Variants in ZNF185 observed in about 807,000 individuals in gnomAD.
The protein encoded by ZNF185 is zinc finger protein 185.
In ZNF185, 56 loss-of-function variants were observed where a neutral mutation model predicts 58.6. That is an observed-to-expected ratio of 0.95 (90% CI 0.77 to 1.19). The LOEUF (loss-of-function observed/expected upper bound fraction) is 1.19, where lower values mean the gene tolerates loss of function less well. Among genes scored for constraint, ZNF185 ranks in the 50% most tolerant of loss-of-function variants. ZNF185 has a pLI of 0.00. For missense variants in ZNF185, 627 were observed against 573.5 expected (o/e 1.09, Z -0.95); for synonymous variants, 230 against 215.9 (o/e 1.07, Z -0.57).
chrX:152,962,224 G>A (rs1556910842), intron 17 of ZNF185, among the ~76,000 whole-genome samples: 1 of 110,789 alleles, frequency 9.0e-6, no homozygotes, highest in Admixed American at 9.5e-5. Flanking sequence ...TTGTAGGTGA[G>A]GGAGAGGAGG....
At position 152,967,139 on chromosome X, in the gene ZNF185, C is replaced by G. The variant is rs184512415; in HGVS notation, c.1800-28C>G. The G allele has an allele frequency of 6.4e-5, 76 of 1,195,871 alleles. 1 individual carries two copies. The Admixed American group carries it at 1.7e-3, about 26-fold the overall frequency. On this transcript the variant is annotated intron_variant, in intron 19 of 22. Transcript: ENST00000449285. ...TAGTGATTTGGCTCTCATCTCTGCC[C>G]TCCTCTCCCCTATCAAACTCCCTGC...
intron 5 of ZNF185, 34 bp downstream of exon 6, chrX:152,917,396 G>T: frequency 8.4e-7 from 1 of 1,197,344 alleles, no homozygotes; most frequent in Non-Finnish European, 1.1e-6. Context: ...GTCGGCCAGT[G>T]GGGAGGTGTG....
At chrX:152,955,075 G>A (rs1384495453) in intron 16 of ZNF185, among the ~76,000 whole-genome samples, 5 of 111,976 alleles carry the variant, frequency 4.5e-5, no homozygotes, top group Non-Finnish European at 7.5e-5. Context: ...ACTCACCAGT[G>A]TATGAATGGT....
At chrX:152,920,290 G>A (rs781822721) in intron 7 of ZNF185, 38 bp from the exon 9 acceptor site, 1 of 1,186,032 alleles carries the variant, frequency 8.4e-7, no homozygotes, top group South Asian at 1.8e-5. Context: ...GTCCAGCTTG[G>A]CACCCATCAG....
At chrX:152,938,199 T>TGG in intron 15 of ZNF185, 36 bp downstream of exon 17, 1 of 1,141,538 alleles carries the variant, frequency 8.8e-7, no homozygotes, top group African/African-American at 1.8e-5. Flanking sequence ...ACTTCTGGGG[T>TGG]GGAGAGAGGC....
chrX:152,925,924 C>G (rs1257844241), intron 11 of ZNF185, among the ~76,000 whole-genome samples: 1 of 112,386 alleles, frequency 8.9e-6, no homozygotes, highest in African/African-American at 3.2e-5. Flanking sequence ...GTCAGCTCCT[C>G]ATAACTCTTG....
the ZNF185 span, among the ~76,000 whole-genome samples, chrX:152,899,985 T>C: frequency 9.0e-6 from 1 of 111,594 alleles, no homozygotes; most frequent in Non-Finnish European, 1.9e-5. Flanking sequence ...CAGTAAGAAG[T>C]TGCCATCTGA....
chrX:152,939,875 T>G (rs1455548853), intron 15 of ZNF185, among the ~76,000 whole-genome samples: 1 of 98,910 alleles, frequency 1.0e-5, no homozygotes, highest in Non-Finnish European at 2.0e-5. Context: ...CTCTGCCTCC[T>G]GGGTTCAAAC....
rs1167952672 is a variant in ZNF185 at position 152,937,833 on chromosome X, C to A, written c.1122-241C>A. On this transcript the variant is annotated intron_variant, in intron 14 of 22. Transcript: ENST00000449285. ...AAACCAGGAGACTTCCCCAGGGAAC[C>A]CAAGTTGGTCAGGGGCAGTGTTTGC... Among the ~76,000 whole-genome samples the A allele has an allele frequency of 3.6e-5, 4 of 112,232 alleles. No individual in the cohort carries two copies. In the East Asian group the frequency reaches 1.1e-3, roughly 31 times the overall value.
chrX:152,941,344 G>C (rs189920389), intron 15 of ZNF185, among the ~76,000 whole-genome samples: 276 of 112,392 alleles, frequency 2.5e-3, no homozygotes, highest in Middle Eastern at 4.6e-3. Context: ...AGAGATCTGG[G>C]ATGCTGCCCC....
exon 23 of ZNF185, chrX:152,972,965 G>A (rs1472050438): frequency 8.9e-6 from 1 of 112,003 alleles, no homozygotes; most frequent in Non-Finnish European, 1.9e-5. Context: ...CCTGCCAAAT[G>A]ATCAGAGAGG....
At chrX:152,922,661 A>G (rs182849026) in intron 10 of ZNF185, 59 bp from the exon 12 acceptor site, 1 of 1,056,112 alleles carries the variant, frequency 9.5e-7, no homozygotes, top group African/African-American at 1.9e-5. Context: ...CACATTCAGC[A>G]TGCCCAGGGA....
At chrX:152,917,349 G>A (rs782802193) in exon 5 of ZNF185, 21 of 1,210,293 alleles carry the variant, frequency 1.7e-5, no homozygotes, top group African/African-American at 7.0e-5. Context: ...CAAGGCCAAC[G>A]GGACTCCAAA....
exon 7 of ZNF185, chrX:152,918,992 C>T (rs1556867924): frequency 8.3e-7 from 1 of 1,209,028 alleles, no homozygotes; most frequent in African/African-American, 1.7e-5. Flanking sequence ...GGGCACCCTA[C>T]AATATCAGGC....
At chrX:152,941,767 C>T (rs1436718883) in intron 15 of ZNF185, 7 of 1,163,328 alleles carry the variant, frequency 6.0e-6, no homozygotes, top group South Asian at 1.9e-5. Context: ...ATGCCCGTGC[C>T]GGCCGCCAGA....
intron 12 of ZNF185, among the ~76,000 whole-genome samples, chrX:152,929,895 G>T (rs1414125107): frequency 8.9e-6 from 1 of 112,432 alleles, no homozygotes; most frequent in African/African-American, 3.2e-5. Context: ...CAGGCTGGAG[G>T]CTCTGCCTGA....
intron 5 of ZNF185, 178 bp from the exon 7 acceptor site, chrX:152,917,887 T>C: frequency 1.8e-6 from 2 of 1,081,769 alleles, no homozygotes; most frequent in Non-Finnish European, 2.4e-6. Flanking sequence ...TCGGTGGGGT[T>C]TGCCTACACA....
At chrX:152,943,799 C>T (rs1316483580) in intron 15 of ZNF185, among the ~76,000 whole-genome samples, 7 of 112,782 alleles carry the variant, frequency 6.2e-5, no homozygotes, top group African/African-American at 9.7e-5. Context: ...TGGGACAGGA[C>T]GGGACTCTGA....
At chrX:152,957,348 T>C (rs1278456538) in intron 16 of ZNF185, among the ~76,000 whole-genome samples, 1 of 110,491 alleles carries the variant, frequency 9.1e-6, no homozygotes, top group Non-Finnish European at 1.9e-5. Flanking sequence ...GAGAAAGGTA[T>C]AGACAAGGTC....
Sources: gnomAD v4.1 joint callset for allele counts (sites outside exome capture counted in the v4.1 genomes callset) on GRCh38, gnomAD v4.1.1 for gene constraint, MANE v1.5 for transcripts, NCBI Gene and HGNC (gene_info 2026-07-23, HGNC 2026-07-21) for gene names.